LSMEM1: variants seen among roughly 807,000 people sequenced by gnomAD.
LSMEM1 encodes the protein leucine rich single-pass membrane protein 1.
A neutral mutation model predicts 11.3 loss-of-function variants in LSMEM1; 10 were observed. The observed-to-expected ratio is 0.89, with a 90% CI of 0.55 to 1.50. The LOEUF (loss-of-function observed/expected upper bound fraction) is 1.50. LSMEM1 is among the 40% of genes most tolerant of loss of function. LSMEM1 has a pLI of 0.00. For missense variants in LSMEM1, 151 were observed against 152.9 expected, an observed-to-expected ratio of 0.99 and a Z score of 0.06; for synonymous variants, 65 against 59.3, an observed-to-expected ratio of 1.10 and a Z score of -0.44.
intron 1 of LSMEM1, 117 bp from the exon 2 acceptor site, chr7:112,484,695 A>T: frequency 9.7e-7 from 1 of 1,036,196 alleles, no homozygotes; most frequent in Non-Finnish European, 1.4e-6. Flanking sequence ...CTTAGTTGAA[A>T]ATACTATTTG....
At chr7:112,480,740 C>A, upstream of LSMEM1, 3 of 449,780 alleles carry the variant, frequency 6.7e-6, no homozygotes, top group South Asian at 1.6e-5. Flanking sequence ...CGCCCACTCA[C>A]AATCGCTTTT....
chr7:112,481,256 G>A lies in LSMEM1; in HGVS notation c.-96G>A, dbSNP rs1796027594. The A allele has an allele frequency of 6.4e-6, 1 of 156,548 alleles. No individual in the cohort carries two copies. The highest frequency in any genetic ancestry group is 2.4e-5 in the African/African-American group (1 of 41,000). The allele number at this position is 156,548 out of a possible 1,614,324, so 9.7% of individuals were successfully genotyped here. A position where few individuals can be genotyped will look rare whatever the true frequency, so the allele number is the denominator to read the frequency against. On this transcript the variant is annotated 5_prime_UTR_variant, in exon 1 of 4. Transcript: ENST00000312849. ...ACTACAGAATTTGTAGAAAAGTTTT[G>A]TTGTAGTTGCTTCTGAACAATTAGT...
At chr7:112,486,514 C>T (rs544164094) in intron 2 of LSMEM1, 10 of 347,334 alleles carry the variant, frequency 2.9e-5, no homozygotes, top group South Asian at 1.3e-4. Flanking sequence ...CCGTGGCTCA[C>T]GCCTGTAATC....
At chr7:112,487,342 A>C (rs1461702510) in intron 3 of LSMEM1, among the ~76,000 whole-genome samples, 3 of 152,210 alleles carry the variant, frequency 2.0e-5, no homozygotes, top group Middle Eastern at 3.2e-3. Context: ...AATGGAAGGC[A>C]ACTTATTCTG....
At chr7:112,485,517 A>G (rs1047489599) in intron 2 of LSMEM1, among the ~76,000 whole-genome samples, 1 of 152,204 alleles carries the variant, frequency 6.6e-6, no homozygotes, top group African/African-American at 2.4e-5. Flanking sequence ...AAATGCTGAC[A>G]TTCAAACACC....
intron 2 of LSMEM1, chr7:112,486,705 G>A: frequency 2.2e-6 from 1 of 449,288 alleles, no homozygotes; most frequent in Non-Finnish European, 3.9e-6. Context: ...GAACCCGGGA[G>A]GCAGAGGTTG....
chr7:112,489,813 A>G lies in LSMEM1; in HGVS notation c.260A>G (p.Gln87Arg), dbSNP rs746667389. The change falls in exon 4 of 4, where the codon CAA (glutamine) becomes CGA (arginine). Residue 87 changes from glutamine (Q) to arginine (R), a missense_variant. By Grantham distance (43) the Gln-to-Arg change is conservative. Coordinates refer to ENST00000312849, the MANE Select transcript of LSMEM1 (RefSeq NM_182597.3). ...CAGTCTGTTTTCTGTTTTGAAGTTC[A>G]AACTGGAAACAAGATGGATGATGTG... The part of the protein sequence containing the change: ...LVFFVIFLIV[Q>R]TGNKMDDVSR... 62 of 1,611,088 alleles carry G rather than the reference A, an allele frequency of 3.8e-5. 1 individual carries two copies. The highest frequency in any genetic ancestry group is 1.7e-4 in the Middle Eastern group (1 of 6,056).
At chr7:112,489,056 A>G (rs534891795) in intron 3 of LSMEM1, among the ~76,000 whole-genome samples, 3 of 152,222 alleles carry the variant, frequency 2.0e-5, no homozygotes, top group Admixed American at 2.0e-4. Flanking sequence ...ACTATGTTCC[A>G]CTTTTATGAA....
At chr7:112,486,512 C>G in intron 2 of LSMEM1, 1 of 356,704 alleles carries the variant, frequency 2.8e-6, no homozygotes, top group African/African-American at 2.1e-5. Context: ...CGCCGTGGCT[C>G]ACGCCTGTAA....
intron 2 of LSMEM1, 92 bp downstream of exon 2, chr7:112,485,035 G>C: frequency 2.2e-6 from 3 of 1,365,956 alleles, no homozygotes; most frequent in South Asian, 1.5e-5. Flanking sequence ...GTGTGGTGGA[G>C]GGGGAGGGGG....
rs564099317 is a variant in LSMEM1 at position 112,487,318 on chromosome 7, G to T, written c.256+267G>T. On this transcript the variant is annotated intron_variant, in intron 3 of 3. Coordinates refer to ENST00000312849, the MANE Select transcript of LSMEM1 (RefSeq NM_182597.3). ...ATAGCACTTTAGTTTCTCACTTGGA[G>T]CCTCTAGCTGCCCAATGGAAGGCAA... Among the ~76,000 whole-genome samples the T allele has an allele frequency of 3.3e-5, 5 of 152,330 alleles. No homozygotes were observed. In the South Asian group the frequency reaches 1.0e-3, roughly 32 times the overall value.
At chr7:112,484,722 G>A in intron 1 of LSMEM1, 90 bp from the exon 2 acceptor site, 1 of 1,391,090 alleles carries the variant, frequency 7.2e-7, no homozygotes, top group Non-Finnish European at 9.9e-7. Context: ...GTTCTTCATA[G>A]GCCTGTCTGG....
At position 112,483,949 on chromosome 7, in the gene LSMEM1, G is replaced by A. The variant is rs544631625; in HGVS notation, c.-5-863G>A. ...AGGCTTCTTTTCACATAATTAAATG[G>A]CCACAAGTTCTCTGTTGTGCTAGAG... On this transcript the variant is annotated intron_variant, in intron 1 of 3. Transcript: ENST00000312849. Among the ~76,000 whole-genome samples, 3 of 152,270 alleles carry A rather than the reference G, an allele frequency of 2.0e-5. No individual in the cohort carries two copies. In the South Asian group the frequency reaches 6.2e-4, roughly 32 times the overall value.
chr7:112,488,497 T>A (rs1796179892), intron 3 of LSMEM1, among the ~76,000 whole-genome samples: 1 of 152,186 alleles, frequency 6.6e-6, no homozygotes, highest in African/African-American at 2.4e-5. Context: ...CCAAATGCTA[T>A]ATATTGAGTC....
intron 2 of LSMEM1, 33 bp downstream of exon 2, chr7:112,484,976 C>T (rs201282935): frequency 7.7e-4 from 1,222 of 1,595,244 alleles, no homozygotes; most frequent in Middle Eastern, 1.7e-3. Context: ...AGCAGCCCTT[C>T]CTAGCTTCTA....
chr7:112,480,492 A>G (rs1163743854), upstream of LSMEM1, among the ~76,000 whole-genome samples: 1 of 152,152 alleles, frequency 6.6e-6, no homozygotes, highest in Non-Finnish European at 1.5e-5. Flanking sequence ...GTTGTTCACA[A>G]CCTCACTGTT....
intron 2 of LSMEM1, 96 bp downstream of exon 2, chr7:112,485,039 G>A (rs972256628): frequency 9.0e-6 from 12 of 1,330,420 alleles, no homozygotes; most frequent in Admixed American, 7.4e-5. Flanking sequence ...GGTGGAGGGG[G>A]AGGGGGCATT....
intron 3 of LSMEM1, among the ~76,000 whole-genome samples, chr7:112,489,473 A>G (rs1424206532): frequency 1.3e-5 from 2 of 151,862 alleles, no homozygotes; most frequent in African/African-American, 2.4e-5. Context: ...ATGGGTCTCA[A>G]AATAAAGCAA....
chr7:112,480,443 G>A (rs925683627), upstream of LSMEM1, among the ~76,000 whole-genome samples: 3 of 152,192 alleles, frequency 2.0e-5, 1 homozygote, highest in African/African-American at 7.2e-5. Context: ...TGTCCATCAA[G>A]CTATGGCAAT....
Sources: allele counts gnomAD v4.1 joint callset (sites outside exome capture counted in the v4.1 genomes callset), GRCh38; gene constraint gnomAD v4.1.1; transcripts MANE v1.5; gene names NCBI Gene and HGNC (gene_info 2026-07-23, HGNC 2026-07-21).